PCNT: variants seen among roughly 807,000 people sequenced by gnomAD.
PCNT encodes the protein kendrin.
In PCNT, 319 loss-of-function variants were observed where a neutral mutation model predicts 380.4. The observed-to-expected ratio is 0.84, with a 90% CI of 0.77 to 0.92. The LOEUF is 0.92. Among genes scored for constraint, PCNT ranks in the 40% least tolerant of loss-of-function variants. The pLI is 0.00. For synonymous variants in PCNT, 1,845 were observed against 1,735.2 expected, an observed-to-expected ratio of 1.06 and a Z score of -1.57; for missense variants, 4,400 against 4,255.3, an observed-to-expected ratio of 1.03 and a Z score of -0.95.
intron 3 of PCNT, among the ~76,000 whole-genome samples, chr21:46,338,198 G>A (rs896114770): frequency 2.0e-5 from 3 of 152,006 alleles, no homozygotes; most frequent in Non-Finnish European, 4.4e-5. Flanking sequence ...ATGCTTCTAA[G>A]TTCATTCTTT....
Position 46,366,569 on chromosome 21 carries a change from A to G in PCNT, c.2610-15A>G, listed in dbSNP as rs903473448. The G allele has an allele frequency of 1.7e-5, 28 of 1,610,718 alleles. No individual in the cohort carries two copies. The highest frequency in any genetic ancestry group is 2.4e-5 in the Non-Finnish European group (28 of 1,177,140). ...ATGCATGTTTAACTGTCCTGTGTTC[A>G]CTTTGTTGCCGCAGGTTTTTAGAGG... On this transcript the variant is annotated splice_polypyrimidine_tract_variant and intron_variant, in intron 14 of 46. Transcript: ENST00000359568.
Position 46,425,875 on chromosome 21 carries a change from G to T in PCNT, c.7224G>T (p.Ala2408=). ...MVRDESHQIL[A]LSEGLAPPSG... is the part of the protein sequence containing the mutation. Reference sequence around the variant, plus strand: ...GTGACGAGAGCCACCAGATCCTGGCGCTGTCAGAAGGCCTTGCACCCCCAA... The same window carrying T: ...GTGACGAGAGCCACCAGATCCTGGCTCTGTCAGAAGGCCTTGCACCCCCAA... The change falls in exon 33 of 47, where the codon GCG becomes GCT. Residue 2408 remains alanine, a synonymous_variant. Transcript: ENST00000359568. The surrounding 1 kb of genome is among the most constrained non-coding windows in gnomAD (Gnocchi z 4.2). 6.2e-7 allele frequency: 1 copy of T among 1,613,720 alleles called. No individual in the cohort carries two copies. The highest frequency in any genetic ancestry group is 8.5e-7 in the Non-Finnish European group (1 of 1,180,016).
intron 21 of PCNT, among the ~76,000 whole-genome samples, chr21:46,396,170 T>G (rs2086203580): frequency 6.6e-6 from 1 of 152,270 alleles, no homozygotes; most frequent in African/African-American, 2.4e-5. Context: ...TCATCTGCAG[T>G]TTCCACTTGG....
At position 46,334,134 on chromosome 21, in the gene PCNT, G is replaced by C. The variant is rs1426453851; in HGVS notation, c.268-263G>C. 2.0e-5 allele frequency among the ~76,000 whole-genome samples: 3 copies of C among 151,794 alleles called. No individual in the cohort carries two copies. The East Asian group carries it at 5.8e-4, about 29-fold the overall frequency. On this transcript the variant is annotated intron_variant, in intron 2 of 46. Transcript: ENST00000359568. ...GCAGGGGAATGGCGTGAACCCAGGA[G>C]GCGGAGATTGCAGTGAGCTGAGATT...
At chr21:46,406,769 ATTTCTAGTTTGCTT>A (rs2086633777) in intron 27 of PCNT, among the ~76,000 whole-genome samples, 1 of 152,136 alleles carries the variant, frequency 6.6e-6, no homozygotes, top group African/African-American at 2.4e-5. Flanking sequence ...GTTCTGTTAT[ATTTCTAGTTTGCTT>A]TTTCTGGATC....
At position 46,418,216 on chromosome 21, in the gene PCNT, G is replaced by A. The variant is rs537029143; in HGVS notation, c.6934G>A (p.Glu2312Lys). The change falls in exon 31 of 47, where the codon GAA becomes AAA. Residue 2312 changes from glutamate to lysine, a missense_variant. Glu to Lys is a moderately conservative substitution (Grantham distance 56). Coordinates refer to ENST00000359568, the MANE Select transcript of PCNT (RefSeq NM_006031.6). ...AATCTCTTAACAGGAGAAAGATGTC[G>A]AAGATTTTATCACAACATCCTTTGA... Reference protein sequence around the residue: ...VQRTAVEKDVEDFITTSFDSQ... With the variant: ...VQRTAVEKDVKDFITTSFDSQ... 6.3e-6 allele frequency: 10 copies of A among 1,594,490 alleles called. No homozygotes were observed. The highest frequency in any genetic ancestry group is 1.3e-5 in the African/African-American group (1 of 74,200).
At chr21:46,442,365 G>C in intron 43 of PCNT, 132 bp from the exon 44 acceptor site, 1 of 705,050 alleles carries the variant, frequency 1.4e-6, no homozygotes, top group Non-Finnish European at 2.6e-6. Flanking sequence ...CAGACTGGCC[G>C]ACCTTGGCGT....
chr21:46,413,005 G>A lies in PCNT; in HGVS notation c.6150+13G>A. 3 of 1,604,920 alleles carry A rather than the reference G, an allele frequency of 1.9e-6. No individual in the cohort carries two copies. Among genetic ancestry groups the A allele is most frequent in the Non-Finnish European group, 1.7e-6 (2 of 1,179,646 alleles). On this transcript the variant is annotated intron_variant, in intron 29 of 46. Coordinates refer to ENST00000359568, the MANE Select transcript of PCNT (RefSeq NM_006031.6). Reference sequence around the variant, plus strand: ...GGACGGCGGCAAGGTGTGGGGAGGGGGGAAGGCGCGAGGTCCCCCCGGGAG... The same window carrying A: ...GGACGGCGGCAAGGTGTGGGGAGGGAGGAAGGCGCGAGGTCCCCCCGGGAG...
rs149158662 is a variant in PCNT, at chr21:46,411,960, G to A, written c.5887G>A (p.Gly1963Arg). 1.5e-5 allele frequency: 24 copies of A among 1,599,492 alleles called. No homozygotes were observed. The African/African-American group carries it at 2.1e-4, about 14-fold the overall frequency. Residue 1963 changes from glycine to arginine, a missense_variant, in exon 28 of 47, where the codon GGG becomes AGG. Physicochemically the swap from Gly to Arg is moderately radical, Grantham distance 125. Transcript: ENST00000359568. ...RRATAHTRVP[G>R]AHPQPRMDGG... The stretch of plus-strand genomic sequence containing the variant: ...AGCCACAGCTCACACACGGGTGCCC[G>A]GGGCCCACCCACAGCCTCGCATGGA...
chr21:46,376,734 A>G (rs956685244), intron 15 of PCNT, among the ~76,000 whole-genome samples: 4 of 152,204 alleles, frequency 2.6e-5, no homozygotes, highest in Admixed American at 2.0e-4. Context: ...GTCCGGATCA[A>G]TGCGTCTGTC....
rs761299168 is a variant in PCNT, at chr21:46,389,301, A to G, written c.3710A>G (p.His1237Arg). 8.7e-5 allele frequency: 140 copies of G among 1,614,124 alleles called. No homozygotes were observed. The highest frequency in any genetic ancestry group is 4.5e-4 in the South Asian group (41 of 91,094). The change falls in exon 19 of 47, where the codon CAC becomes CGC. Residue 1237 changes from histidine (H) to arginine (R), a missense_variant. By Grantham distance (29) the His-to-Arg change is conservative. Coordinates refer to ENST00000359568, the MANE Select transcript of PCNT (RefSeq NM_006031.6). ...EMSSVAEISS[H>R]MRESFLMSPE... ...TCTTCCGTGGCTGAAATTAGCAGCC[A>G]CATGCGTGAAAGCTTTCTCATGAGC...
At chr21:46,444,012 T>C in intron 45 of PCNT, 64 bp downstream of exon 45, 2 of 1,536,086 alleles carry the variant, frequency 1.3e-6, no homozygotes, top group Non-Finnish European at 1.8e-6. Flanking sequence ...ACATAGGGCC[T>C]CAGAGAAATG....
In PCNT at chr21:46,398,049, G is replaced by A. The variant is rs986605060; in HGVS notation, c.4482G>A (p.Glu1494=). 6.3e-6 allele frequency: 10 copies of A among 1,596,140 alleles called. No individual in the cohort carries two copies. The highest frequency in any genetic ancestry group is 2.7e-5 in the African/African-American group (2 of 74,588). The change falls in exon 23 of 47, where the codon GAG becomes GAA. Residue 1494 remains glutamate (E), a synonymous_variant. Transcript: ENST00000359568. ...QAAEREHERE[E]FQQEIQRLEG... is the part of the protein sequence containing the mutation. The stretch of plus-strand genomic sequence containing the variant: ...CCGAGCGGGAGCACGAGCGCGAGGA[G>A]TTCCAGCAGGAGATTCAGAGGCTGG...
chr21:46,374,113 C>T (rs1223308810), intron 15 of PCNT, among the ~76,000 whole-genome samples: 1 of 152,030 alleles, frequency 6.6e-6, no homozygotes, highest in African/African-American at 2.4e-5. Context: ...GGGATGTACT[C>T]TTTATTTTAT....
At chr21:46,355,407 T>C (rs1209887162) in intron 11 of PCNT, 45 bp from the exon 12 acceptor site, 4 of 1,595,466 alleles carry the variant, frequency 2.5e-6, no homozygotes, top group Non-Finnish European at 3.4e-6. Context: ...GCGAGCGAGG[T>C]AGCTTGGCTC....
chr21:46,358,181 G>A (rs956931319), intron 13 of PCNT, among the ~76,000 whole-genome samples: 2 of 152,266 alleles, frequency 1.3e-5, no homozygotes, highest in Non-Finnish European at 2.9e-5. Context: ...AACCGACGGG[G>A]CAGCTCAGGG....
At position 46,388,839 on chromosome 21, in the gene PCNT, G is replaced by T; in HGVS notation, c.3562G>T (p.Gly1188Trp). The change falls in exon 18 of 47, where the codon GGG (glycine) becomes TGG (tryptophan). Residue 1188 changes from glycine (G) to tryptophan (W), a missense_variant. Coordinates refer to ENST00000359568, the MANE Select transcript of PCNT (RefSeq NM_006031.6). This position sits in a 1 kb window ranked among gnomAD's most constrained non-coding sequence, Gnocchi z 4.2. The stretch of plus-strand genomic sequence containing the variant: ...GAGGAGCCGGATCGGGGAGCGCGTG[G>T]GGCTCTGCCTGGATGACGCGGGCGC... ...TLRSRIGERVGLCLDDAGAGL... is the reference protein window; with the variant it reads ...TLRSRIGERVWLCLDDAGAGL... The T allele has an allele frequency of 6.2e-7, 1 of 1,611,862 alleles. No homozygotes were observed.
chr21:46,347,088 G>T, intron 5 of PCNT, 90 bp downstream of exon 5: 1 of 1,456,698 alleles, frequency 6.9e-7, no homozygotes. Flanking sequence ...GAGCTGGGGC[G>T]CCCTAGCACC....
intron 15 of PCNT, among the ~76,000 whole-genome samples, chr21:46,371,257 C>T (rs541603286): frequency 2.8e-5 from 4 of 143,402 alleles, no homozygotes; most frequent in African/African-American, 5.2e-5. Flanking sequence ...CAAAAAAAGT[C>T]TAGAGTGCAG....
Sources: gnomAD v4.1 joint callset for allele counts (sites outside exome capture counted in the v4.1 genomes callset) on GRCh38, gnomAD v4.1.1 for gene constraint, Gnocchi (gnomAD v3.1) non-coding constraint, MANE v1.5 for transcripts, NCBI Gene and HGNC (gene_info 2026-07-23, HGNC 2026-07-21) for gene names.